The following ADGRV1 variants were observed in gnomAD, a reference collection of about 807,000 sequenced individuals.
ADGRV1 encodes the protein G-protein coupled receptor 98.
A neutral mutation model predicts 596.2 loss-of-function variants in ADGRV1; 359 were observed. The ratio of observed to expected loss-of-function variants is 0.60; its 90% confidence interval spans 0.55 to 0.66. The LOEUF (loss-of-function observed/expected upper bound fraction) is 0.66. Ranked by LOEUF, ADGRV1 falls within the 30% of genes least tolerant of loss-of-function variation. The pLI, the probability that ADGRV1 is intolerant of heterozygous loss-of-function variation, is 0.00. For missense variants in ADGRV1, 7,274 were observed against 7,575.6 expected, an observed-to-expected ratio of 0.96 and a Z score of 1.48; for synonymous variants, 2,681 against 2,679.2, an observed-to-expected ratio of 1.00 and a Z score of -0.02.
At chr5:90,895,292 G>T (rs981368359) in intron 83 of ADGRV1, among the ~76,000 whole-genome samples, 3 of 151,902 alleles carry the variant, frequency 2.0e-5, no homozygotes, top group Non-Finnish European at 4.4e-5. Context: ...AGAATGAAGG[G>T]GTACATAAAC....
intron 85 of ADGRV1, among the ~76,000 whole-genome samples, chr5:91,047,049 A>G (rs1158420059): frequency 1.3e-5 from 2 of 152,150 alleles, no homozygotes; most frequent in Admixed American, 6.5e-5. Flanking sequence ...GAACAGGAAC[A>G]CTTCTAAACT....
chr5:90,954,169 CT>C (rs70973717), intron 83 of ADGRV1, among the ~76,000 whole-genome samples: 41,944 of 138,254 alleles, frequency 0.3, 6,834 homozygotes, highest in African/African-American at 0.46. Context: ...CCCAGCCTTG[CT>C]TTTTTTTTTT....
At position 90,653,504 on chromosome 5, in the gene ADGRV1, C is replaced by G. The variant is rs1466390490; in HGVS notation, c.3930C>G (p.Thr1310=). The change falls in exon 20 of 90, where the codon ACC becomes ACG. Residue 1310 remains threonine, a synonymous_variant. Coordinates refer to ENST00000405460, the MANE Select transcript of ADGRV1 (RefSeq NM_032119.4). ...IDFLLVGIFP[T]TVHLQQHMRR... is the part of the protein sequence containing the mutation. ...TTTTACTGGTTGGAATTTTCCCCAC[C>G]ACCGTGCATTTACAACAGCACATGC... 6.2e-7 allele frequency: 1 copy of G among 1,613,910 alleles called. No homozygotes were observed. The highest frequency in any genetic ancestry group is 1.1e-5 in the South Asian group (1 of 91,082).
chr5:91,011,306 G>A (rs1475816226), intron 85 of ADGRV1, among the ~76,000 whole-genome samples: 2 of 151,940 alleles, frequency 1.3e-5, no homozygotes, highest in African/African-American at 4.8e-5. Flanking sequence ...TTCTGAGGAA[G>A]AAAAATTGGA....
At chr5:90,667,803 T>C (rs558327808) in intron 21 of ADGRV1, among the ~76,000 whole-genome samples, 1 of 152,354 alleles carries the variant, frequency 6.6e-6, no homozygotes, top group Admixed American at 6.5e-5. Flanking sequence ...GGATGTCCTT[T>C]CTGTTTGTTA....
At chr5:90,894,266 C>A (rs1016359540) in intron 83 of ADGRV1, among the ~76,000 whole-genome samples, 1 of 152,154 alleles carries the variant, frequency 6.6e-6, no homozygotes, top group Admixed American at 6.6e-5. Context: ...ATTCTCAAAC[C>A]TTTTTCCAGC....
In ADGRV1 at chr5:90,694,470, C is replaced by G. The variant is rs1187525575; in HGVS notation, c.7714C>G (p.Leu2572Val). The part of the protein sequence containing the change: ...QPNISTVVIA[L>V]NGDAFGVFVI... Reference sequence around the variant, plus strand: ...AAATATTTCTACAGTTGTCATAGCACTAAATGGTGATGCCTTTGGAGTGTT... The same window carrying G: ...AAATATTTCTACAGTTGTCATAGCAGTAAATGGTGATGCCTTTGGAGTGTT... Residue 2572 changes from leucine to valine, a missense_variant, in exon 33 of 90, where the codon CTA (leucine) becomes GTA (valine). Around this residue, in one of 5 missense-constraint regions of ADGRV1, gnomAD observed 3,643 missense variants for 3,809.2 expected, o/e 0.96. Coordinates refer to ENST00000405460, the MANE Select transcript of ADGRV1 (RefSeq NM_032119.4). The G allele has an allele frequency of 4.3e-6, 7 of 1,613,918 alleles. No homozygotes were observed. Among genetic ancestry groups the G allele is most frequent in the Non-Finnish European group, 5.9e-6 (7 of 1,179,824 alleles).
rs778878007 is a variant in ADGRV1 at position 90,855,791 on chromosome 5, A to G, written c.17645A>G (p.Tyr5882Cys). ...AAAGTGGTTGAGGAAACTGCAGACT[A>G]TGTGGAATGTGCCTGTTCACACATG... Reference protein sequence around the residue: ...FCKVVEETADYVECACSHMSV... With the variant: ...FCKVVEETADCVECACSHMSV... Residue 5882 changes from tyrosine (Y) to cysteine (C), a missense_variant, in exon 82 of 90, where the codon TAT becomes TGT. Coordinates refer to ENST00000405460, the MANE Select transcript of ADGRV1 (RefSeq NM_032119.4). 2 of 1,605,996 alleles carry G rather than the reference A, an allele frequency of 1.2e-6. No individual in the cohort carries two copies. The highest frequency in any genetic ancestry group is 2.2e-5 in the South Asian group (2 of 89,188).
intron 11 of ADGRV1, chr5:90,640,986 C>T (rs568530819): frequency 6.5e-6 from 1 of 152,676 alleles, no homozygotes; most frequent in South Asian, 2.1e-4. Context: ...TTTTGCTTGT[C>T]CACCTGGCCA....
chr5:90,653,725 G>A lies in ADGRV1; in HGVS notation c.4151G>A (p.Gly1384Glu). The A allele has an allele frequency of 1.9e-6, 3 of 1,612,876 alleles. No individual in the cohort carries two copies. Among genetic ancestry groups the A allele is most frequent in the Non-Finnish European group, 2.5e-6 (3 of 1,179,400 alleles). ...GACGGTAATGGAAGCATCTACTACGGGGTAAAAATACAAACAAACGAATCC... is the reference window on the plus strand; with the variant it reads ...GACGGTAATGGAAGCATCTACTACGAGGTAAAAATACAAACAAACGAATCC... Reference protein sequence around the residue: ...KDDGNGSIYYGVKIQTNESHV... With the variant: ...KDDGNGSIYYEVKIQTNESHV... Residue 1384 changes from glycine (G) to glutamate (E), a missense_variant, in exon 20 of 90, where the codon GGG (glycine) becomes GAG (glutamate). Coordinates refer to ENST00000405460, the MANE Select transcript of ADGRV1 (RefSeq NM_032119.4).
chr5:90,798,799 C>T (rs1468173807), intron 70 of ADGRV1, among the ~76,000 whole-genome samples: 1 of 152,182 alleles, frequency 6.6e-6, no homozygotes, highest in Admixed American at 6.5e-5. Context: ...AGTAATCCAT[C>T]ACAGAAACAG....
At chr5:90,596,395 G>A (rs1325871132) in intron 1 of ADGRV1, among the ~76,000 whole-genome samples, 3 of 151,652 alleles carry the variant, frequency 2.0e-5, no homozygotes, top group Non-Finnish European at 4.4e-5. Flanking sequence ...GGTGGCGGCC[G>A]GGCAGAGGCT....
At chr5:90,606,148 T>A (rs1381685679) in intron 1 of ADGRV1, among the ~76,000 whole-genome samples, 1 of 152,180 alleles carries the variant, frequency 6.6e-6, no homozygotes, top group Non-Finnish European at 1.5e-5. Context: ...ACCTTTTTCT[T>A]AAAAAATAAT....
chr5:90,840,437 C>CCCAT, intron 77 of ADGRV1, 141 bp from the exon 78 acceptor site: 1 of 603,156 alleles, frequency 1.7e-6, no homozygotes, highest in Non-Finnish European at 2.8e-6. Flanking sequence ...AGTATAAAAC[C>CCCAT]CCATCTTTAG....
Position 91,072,425 on chromosome 5 carries a change from C to T in ADGRV1, c.18153-22C>T, listed in dbSNP as rs528812598. ...ATTTGCGCTGAAAGTGTCTGAGTTACTTCTTCTCATTTCTCTTCCAGGTGT... is the reference window on the plus strand; with the variant it reads ...ATTTGCGCTGAAAGTGTCTGAGTTATTTCTTCTCATTTCTCTTCCAGGTGT... On this transcript the variant is annotated intron_variant, in intron 85 of 89. Coordinates refer to ENST00000405460, the MANE Select transcript of ADGRV1 (RefSeq NM_032119.4). 1.9e-6 allele frequency: 3 copies of T among 1,589,880 alleles called. No homozygotes were observed. In the East Asian group the frequency reaches 6.7e-5, roughly 36 times the overall value.
Position 91,052,262 on chromosome 5 carries a change from C to T in ADGRV1, c.18153-20185C>T, listed in dbSNP as rs956819653. Among the ~76,000 whole-genome samples, 13 of 151,028 alleles carry T rather than the reference C, an allele frequency of 8.6e-5. 1 individual carries two copies. In the South Asian group the frequency reaches 1.5e-3, roughly 17 times the overall value. On this transcript the variant is annotated intron_variant, in intron 85 of 89. Transcript: ENST00000405460. ...ATCAAATCTTAGGTTGTGTGATAGC[C>T]TGATACCTTCCATGTTTTCTTGAAC...
chr5:90,888,606 A>G (rs1421423399), intron 83 of ADGRV1, among the ~76,000 whole-genome samples: 2 of 152,092 alleles, frequency 1.3e-5, no homozygotes, highest in Non-Finnish European at 2.9e-5. Context: ...AATGTATTTG[A>G]TGTTGGATAT....
chr5:91,155,882 T>C (rs1460522612), intron 89 of ADGRV1, among the ~76,000 whole-genome samples: 1 of 152,156 alleles, frequency 6.6e-6, no homozygotes, highest in African/African-American at 2.4e-5. Flanking sequence ...GGGAGGTTAT[T>C]ACAGTGTTCC....
At chr5:90,649,674 A>G (rs1214932716) in intron 17 of ADGRV1, among the ~76,000 whole-genome samples, 1 of 152,232 alleles carries the variant, frequency 6.6e-6, no homozygotes, top group East Asian at 1.9e-4. Context: ...TTTTTAGTAG[A>G]GACGGGGTTT....
Sources: gnomAD v4.1 joint callset for allele counts (sites outside exome capture counted in the v4.1 genomes callset) on GRCh38, gnomAD v4.1.1 for gene constraint, gnomAD v4.1.1 regional missense constraint, MANE v1.5 for transcripts, NCBI Gene and HGNC (gene_info 2026-07-23, HGNC 2026-07-21) for gene names.